Variants in TTLL5 observed in about 807,000 individuals in gnomAD.
The protein encoded by TTLL5 is tubulin polyglutamylase TTLL5.
Under a neutral mutation model 168.4 loss-of-function variants are expected in TTLL5, and 132 were observed. That is an observed-to-expected ratio of 0.78 (90% CI 0.68 to 0.91). TTLL5 has a LOEUF of 0.91. TTLL5 is among the 40% of genes least tolerant of loss of function. The pLI is 0.00. For missense variants in TTLL5, 1,545 were observed against 1,581.5 expected (o/e 0.98, Z 0.39); for synonymous variants, 546 against 558.6 (o/e 0.98, Z 0.32).
chr14:75,921,500 G>A (rs4577000), intron 31 of TTLL5, among the ~76,000 whole-genome samples: 121,490 of 152,100 alleles, frequency 0.8, 48,703 homozygotes, highest in African/African-American at 0.86. Flanking sequence ...CCCATTGCTT[G>A]TTTTTGTCAG....
In TTLL5 at chr14:75,897,470, A is replaced by G. The variant is rs921794504; in HGVS notation, c.3741-4672A>G. ...TTTTTATTTTATTTTATTTTTATTT[A>G]TTCATTTATTTATTTATTTTTTGAG... is the stretch of plus-strand genomic sequence containing the variant. On this transcript the variant is annotated intron_variant, in intron 30 of 31. Coordinates refer to ENST00000298832, the MANE Select transcript of TTLL5 (RefSeq NM_015072.5). Among the ~76,000 whole-genome samples, 6 of 151,798 alleles carry G rather than the reference A, an allele frequency of 4.0e-5. No homozygotes were observed. In the East Asian group the frequency reaches 1.2e-3, roughly 29 times the overall value.
intron 26 of TTLL5, 44 bp from the exon 27 acceptor site, chr14:75,792,872 C>T: frequency 6.7e-7 from 1 of 1,492,008 alleles, no homozygotes. Context: ...TTTTTTCAGG[C>T]CTTTTTTTCC....
chr14:75,663,826 G>A (rs541460128), intron 2 of TTLL5, among the ~76,000 whole-genome samples: 63 of 152,296 alleles, frequency 4.1e-4, no homozygotes, highest in African/African-American at 1.5e-3. Context: ...GCTTATGCCT[G>A]TAATCCCAGC....
chr14:75,824,537 C>T (rs1010012549), intron 28 of TTLL5, among the ~76,000 whole-genome samples: 9 of 151,702 alleles, frequency 5.9e-5, no homozygotes, highest in African/African-American at 2.2e-4. Flanking sequence ...ATCATAGAAA[C>T]AGAAAGTAGA....
At chr14:75,823,061 A>G (rs150656982) in intron 28 of TTLL5, among the ~76,000 whole-genome samples, 2 of 152,328 alleles carry the variant, frequency 1.3e-5, no homozygotes, top group East Asian at 3.9e-4. Context: ...TCACATGTTT[A>G]GAAGCCTGAG....
chr14:75,841,628 T>C (rs1896256568), intron 28 of TTLL5, among the ~76,000 whole-genome samples: 1 of 152,222 alleles, frequency 6.6e-6, no homozygotes, highest in Non-Finnish European at 1.5e-5. Context: ...TTTTTAAATT[T>C]CTTCCAGTTC....
At chr14:75,709,442 A>T (rs1231638912) in intron 9 of TTLL5, 4 of 449,614 alleles carry the variant, frequency 8.9e-6, no homozygotes, top group Non-Finnish European at 1.6e-5. Flanking sequence ...TCATATTCTT[A>T]ACTGAGATTT....
chr14:75,863,893 A>G (rs1294828860), intron 29 of TTLL5, 31 bp downstream of exon 29: 10 of 388,558 alleles, frequency 2.6e-5, no homozygotes, highest in East Asian at 4.4e-5. Context: ...TCCATGTGTT[A>G]TATCTTCCTG....
At chr14:75,756,145 A>G (rs1380111323) in intron 18 of TTLL5, among the ~76,000 whole-genome samples, 1 of 152,212 alleles carries the variant, frequency 6.6e-6, no homozygotes, top group Non-Finnish European at 1.5e-5. Flanking sequence ...TGACAATATC[A>G]GGACATTAAC....
intron 30 of TTLL5, among the ~76,000 whole-genome samples, chr14:75,897,848 TGTA>T (rs1249294448): frequency 6.6e-6 from 1 of 152,218 alleles, no homozygotes; most frequent in East Asian, 1.9e-4. Context: ...GAGCTGAGAT[TGTA>T]GTAAGCTTCT....
At chr14:75,933,457 A>G (rs912640452) in intron 31 of TTLL5, among the ~76,000 whole-genome samples, 42 of 152,174 alleles carry the variant, frequency 2.8e-4, no homozygotes, top group African/African-American at 9.7e-4. Context: ...TTGAGACTCT[A>G]TCTCAAAAAA....
intron 17 of TTLL5, 87 bp downstream of exon 17, chr14:75,745,668 C>T (rs866945102): frequency 9.0e-6 from 9 of 1,001,598 alleles, no homozygotes; most frequent in African/African-American, 3.3e-5. Flanking sequence ...CTGCTCCCCC[C>T]GATGATGCTT....
intron 27 of TTLL5, among the ~76,000 whole-genome samples, chr14:75,813,693 T>C (rs1158167914): frequency 2.0e-5 from 3 of 152,132 alleles, no homozygotes; most frequent in Non-Finnish European, 4.4e-5. Context: ...CATATTAAAA[T>C]TGATTATAGT....
chr14:75,683,044 T>C (rs1884750820), intron 4 of TTLL5, among the ~76,000 whole-genome samples: 1 of 152,214 alleles, frequency 6.6e-6, no homozygotes, highest in Non-Finnish European at 1.5e-5. Context: ...AGTGCTGAGA[T>C]TACAGGCATG....
chr14:75,797,474 G>A (rs1029377667), intron 27 of TTLL5, among the ~76,000 whole-genome samples: 2 of 152,082 alleles, frequency 1.3e-5, no homozygotes, highest in Non-Finnish European at 2.9e-5. Context: ...GGTGAAATGG[G>A]CATTCTTGTC....
chr14:75,742,482 G>A (rs564775617), intron 15 of TTLL5, among the ~76,000 whole-genome samples: 2 of 152,228 alleles, frequency 1.3e-5, no homozygotes, highest in Admixed American at 6.5e-5. Flanking sequence ...TGCAACTTCC[G>A]CTTCCAGGGT....
chr14:75,836,967 C>T (rs1895902814), intron 28 of TTLL5, among the ~76,000 whole-genome samples: 1 of 152,034 alleles, frequency 6.6e-6, no homozygotes, highest in Non-Finnish European at 1.5e-5. Flanking sequence ...GCATTGGTTA[C>T]CTATTGCAAC....
At chr14:75,872,774 G>A (rs2031140926) in intron 29 of TTLL5, among the ~76,000 whole-genome samples, 1 of 151,880 alleles carries the variant, frequency 6.6e-6, no homozygotes, top group African/African-American at 2.4e-5. Flanking sequence ...AGCTGTGCGT[G>A]GTTGCGCATG....
intron 31 of TTLL5, among the ~76,000 whole-genome samples, chr14:75,916,839 A>G (rs1293708987): frequency 6.6e-6 from 1 of 152,196 alleles, no homozygotes; most frequent in African/African-American, 2.4e-5. Context: ...TATTCAGTGA[A>G]ATACTATTCA....
Sources: allele counts gnomAD v4.1 joint callset (sites outside exome capture counted in the v4.1 genomes callset), GRCh38; gene constraint gnomAD v4.1.1; transcripts MANE v1.5; gene names NCBI Gene and HGNC (gene_info 2026-07-23, HGNC 2026-07-21).